ZFHX3: variants seen among roughly 807,000 people sequenced by gnomAD.
The protein encoded by ZFHX3 is zinc finger homeobox 3.
In ZFHX3, 42 loss-of-function variants were observed where a neutral mutation model predicts 279.1. The ratio of observed to expected loss-of-function variants is 0.15; its 90% CI spans 0.12 to 0.19. The LOEUF (loss-of-function observed/expected upper bound fraction) is 0.19, where lower values mean the gene tolerates loss of function less well. ZFHX3 is among the 10% of genes least tolerant of loss of function. The probability of loss-of-function intolerance (pLI) is 1.00; values close to 1 mark genes in which losing one functional copy is unlikely to be tolerated. For missense variants in ZFHX3, 4,981 were observed against 4,754.0 expected (o/e 1.05, Z -1.40); for synonymous variants, 2,293 against 1,957.8 (o/e 1.17, Z -4.52).
chr16:73,838,372 A>T (rs948504215), intron 1 of ZFHX3, among the ~76,000 whole-genome samples: 2 of 152,186 alleles, frequency 1.3e-5, no homozygotes, highest in African/African-American at 4.8e-5. Context: ...GATTCTAATA[A>T]AGTTAGGTAC....
chr16:73,878,460 C>T (rs1039910687), intron 1 of ZFHX3, among the ~76,000 whole-genome samples: 1 of 152,072 alleles, frequency 6.6e-6, no homozygotes, highest in East Asian at 1.9e-4. Context: ...CACAACGACA[C>T]TAAAATGGTA....
At position 72,890,150 on chromosome 16, in the gene ZFHX3, C is replaced by A. The variant is rs530575676; in HGVS notation, c.3217-188G>T. On this transcript the variant is annotated intron_variant, in intron 3 of 9. Transcript: ENST00000268489. ...CCAAAATCTCATCTTGAATTCTAAT[C>A]TGAACTGTAATCCCCACGTGTTGGG... Among the ~76,000 whole-genome samples, 3 of 152,306 alleles carry A rather than the reference C, an allele frequency of 2.0e-5. No homozygotes were observed. In the South Asian group the frequency reaches 6.2e-4, roughly 32 times the overall value.
At chr16:73,713,576 A>C (rs1210780575) in intron 1 of ZFHX3, among the ~76,000 whole-genome samples, 2 of 152,022 alleles carry the variant, frequency 1.3e-5, no homozygotes, top group African/African-American at 2.4e-5. Context: ...AAGTACCCGC[A>C]GCCAACGGCA....
chr16:73,532,685 G>A (rs2019827726), intron 2 of ZFHX3, among the ~76,000 whole-genome samples: 2 of 151,952 alleles, frequency 1.3e-5, no homozygotes, highest in South Asian at 2.1e-4. Flanking sequence ...ATTGTAATGG[G>A]AATAATAATT....
At chr16:72,919,639 T>C (rs151040145) in intron 3 of ZFHX3, among the ~76,000 whole-genome samples, 5 of 152,252 alleles carry the variant, frequency 3.3e-5, no homozygotes, top group African/African-American at 1.2e-4. Flanking sequence ...TTTTTACCAA[T>C]ATCCATCTTG....
intron 4 of ZFHX3, among the ~76,000 whole-genome samples, chr16:72,835,303 G>C (rs1051894376): frequency 6.6e-6 from 1 of 152,098 alleles, no homozygotes; most frequent in Non-Finnish European, 1.5e-5. Context: ...TCTGACAGGC[G>C]AGATGTGCAC....
At chr16:73,473,339 C>CAAAAAAAAAAAAAAAAACAAAAAAAAAA (rs2018703248) in intron 2 of ZFHX3, among the ~76,000 whole-genome samples, 1 of 76,658 alleles carries the variant, frequency 1.3e-5, no homozygotes, top group Non-Finnish European at 2.3e-5. Flanking sequence ...TGTCTCAAAG[C>CAAAAAAAAAAAAAAAAACAAAAAAAAAA]AAAAAAAAAA....
intron 1 of ZFHX3, among the ~76,000 whole-genome samples, chr16:73,818,676 C>T (rs1019749727): frequency 6.6e-6 from 1 of 152,168 alleles, no homozygotes; most frequent in African/African-American, 2.4e-5. Flanking sequence ...AACAAAAATG[C>T]CTTCAAGGTA....
At chr16:73,672,227 G>A (rs1440509609) in intron 2 of ZFHX3, among the ~76,000 whole-genome samples, 2 of 152,074 alleles carry the variant, frequency 1.3e-5, no homozygotes, top group East Asian at 3.9e-4. Flanking sequence ...CTCAGAATCA[G>A]ATTTCATCAA....
chr16:73,253,265 G>A (rs946808255), intron 5 of ZFHX3, among the ~76,000 whole-genome samples: 3 of 152,258 alleles, frequency 2.0e-5, no homozygotes, highest in African/African-American at 4.8e-5. Context: ...CATGAGGGAA[G>A]GCTACGTCCA....
chr16:73,112,570 G>A (rs908165416), intron 7 of ZFHX3, among the ~76,000 whole-genome samples: 6 of 151,666 alleles, frequency 4.0e-5, no homozygotes, highest in Non-Finnish European at 8.8e-5. Flanking sequence ...AAAATTAGCC[G>A]GGCGTGGTGG....
intron 2 of ZFHX3, among the ~76,000 whole-genome samples, chr16:73,581,077 TA>T (rs928315437): frequency 5.9e-5 from 9 of 151,912 alleles, no homozygotes; most frequent in Non-Finnish European, 1.0e-4. Context: ...TGGACAGATC[TA>T]GGAAATGCTC....
At chr16:72,991,738 ACTCAGACTTC>A (rs542517189) in intron 1 of ZFHX3, among the ~76,000 whole-genome samples, 29 of 152,354 alleles carry the variant, frequency 1.9e-4, no homozygotes, top group Non-Finnish European at 2.4e-4. Context: ...ACACACAAGT[ACTCAGACTTC>A]CAGGCCAGTG....
At chr16:73,539,619 C>A (rs1280975292) in intron 2 of ZFHX3, among the ~76,000 whole-genome samples, 2 of 151,826 alleles carry the variant, frequency 1.3e-5, no homozygotes, top group African/African-American at 4.8e-5. Context: ...TTATAGGTTT[C>A]CTCGATAACA....
At chr16:73,216,945 T>C (rs28661750) in intron 5 of ZFHX3, among the ~76,000 whole-genome samples, 6,120 of 152,210 alleles carry the variant, frequency 0.04, 438 homozygotes, top group African/African-American at 0.14. Context: ...CGTAAAGACA[T>C]GTTCCGAAAG....
At chr16:73,169,209 T>C (rs1228170587) in intron 5 of ZFHX3, among the ~76,000 whole-genome samples, 1 of 152,170 alleles carries the variant, frequency 6.6e-6, no homozygotes, top group Non-Finnish European at 1.5e-5. Context: ...AACGATTACA[T>C]GGTAACAATG....
upstream of ZFHX3, among the ~76,000 whole-genome samples, chr16:73,052,992 C>T (rs1965477499): frequency 6.6e-6 from 1 of 152,186 alleles, no homozygotes; most frequent in African/African-American, 2.4e-5. Flanking sequence ...GTTCATTTTT[C>T]ACCCGTCTTA....
At chr16:73,306,996 A>C (rs1240827434) in intron 4 of ZFHX3, among the ~76,000 whole-genome samples, 2 of 152,226 alleles carry the variant, frequency 1.3e-5, no homozygotes, top group African/African-American at 2.4e-5. Context: ...TTCATTTCCT[A>C]CACAACAAGA....
chr16:73,154,732 C>T (rs1967030662), intron 5 of ZFHX3, among the ~76,000 whole-genome samples: 1 of 151,946 alleles, frequency 6.6e-6, no homozygotes, highest in African/African-American at 2.4e-5. Flanking sequence ...ACATCAGATG[C>T]AAAATGCTCA....
Sources: allele counts gnomAD v4.1 joint callset (sites outside exome capture counted in the v4.1 genomes callset), GRCh38; gene constraint gnomAD v4.1.1; transcripts MANE v1.5; gene names NCBI Gene and HGNC (gene_info 2026-07-23, HGNC 2026-07-21).